The following PPM1B variants were observed in gnomAD, a reference collection of about 807,000 sequenced individuals.
The protein encoded by PPM1B is protein phosphatase, Mg2+/Mn2+ dependent 1B.
In PPM1B, 22 loss-of-function variants were observed where a neutral mutation model predicts 43.0. The observed-to-expected ratio is 0.51, with a 90% CI of 0.37 to 0.73. The LOEUF is 0.73. Ranked by LOEUF, PPM1B falls within the 30% of genes least tolerant of loss-of-function variation. PPM1B has a pLI of 0.00. For missense variants in PPM1B, 632 were observed against 584.2 expected (o/e 1.08, Z -0.84); for synonymous variants, 217 against 197.9 (o/e 1.10, Z -0.81).
At chr2:44,217,915 T>TG in intron 3 of PPM1B, 52 bp from the exon 4 acceptor site, 1 of 1,094,518 alleles carries the variant, frequency 9.1e-7, no homozygotes, top group African/African-American at 1.6e-5. Flanking sequence ...CACTTCTTGG[T>TG]GAGTACTGGC....
At chr2:44,178,595 A>T (rs1439053210) in intron 1 of PPM1B, among the ~76,000 whole-genome samples, 1 of 151,810 alleles carries the variant, frequency 6.6e-6, no homozygotes, top group Non-Finnish European at 1.5e-5. Flanking sequence ...AGCCTCCTGA[A>T]GTAGCTGGGA....
chr2:44,219,227 C>G (rs1669864172), intron 5 of PPM1B: 4 of 149,874 alleles, frequency 2.7e-5, no homozygotes, highest in Non-Finnish European at 5.9e-5. Flanking sequence ...CAAGTTAGTT[C>G]AAATAAGTAT....
At chr2:44,189,275 C>T (rs532518093) in intron 1 of PPM1B, among the ~76,000 whole-genome samples, 1 of 152,124 alleles carries the variant, frequency 6.6e-6, no homozygotes, top group South Asian at 2.1e-4. Flanking sequence ...AAAGACAGAA[C>T]ACTTCTGCTT....
At chr2:44,191,949 G>T (rs1283777855) in intron 1 of PPM1B, among the ~76,000 whole-genome samples, 2 of 151,976 alleles carry the variant, frequency 1.3e-5, no homozygotes, top group African/African-American at 4.8e-5. Context: ...GACACTTAGG[G>T]TGTTTAGTTC....
At chr2:44,185,533 G>A (rs1668078451) in intron 1 of PPM1B, among the ~76,000 whole-genome samples, 1 of 152,128 alleles carries the variant, frequency 6.6e-6, no homozygotes, top group Non-Finnish European at 1.5e-5. Context: ...GCTTGGAGAG[G>A]GGTAAGTTAC....
At chr2:44,243,691 A>G (rs952736814) in intron 5 of PPM1B, among the ~76,000 whole-genome samples, 3 of 152,002 alleles carry the variant, frequency 2.0e-5, no homozygotes, top group African/African-American at 7.2e-5. Flanking sequence ...TAAGCATTCT[A>G]TTTTATCGTT....
chr2:44,235,149 AGTTT>A (rs1446414398), downstream of PPM1B, among the ~76,000 whole-genome samples: 4 of 152,182 alleles, frequency 2.6e-5, no homozygotes, highest in African/African-American at 4.8e-5. Context: ...GACTTTTCTT[AGTTT>A]GTTATGTTAA....
chr2:44,231,356 T>G lies in PPM1B; in HGVS notation c.*638T>G. The G allele has an allele frequency of 1.0e-6, 1 of 976,896 alleles. No individual in the cohort carries two copies. Among genetic ancestry groups the G allele is most frequent in the Non-Finnish European group, 1.2e-6 (1 of 822,190 alleles). The allele number at this position is 976,896 out of a possible 1,614,324, so 60.5% of individuals were successfully genotyped here. A position where few individuals can be genotyped will look rare whatever the true frequency, so the allele number is the denominator to read the frequency against. On this transcript the variant is annotated 3_prime_UTR_variant, in exon 6 of 6. Transcript: ENST00000282412. ...AACCTATGTATTATTCATACAGCTTTGGTTTGTATATTCTGTATAGCCTAA... is the reference window on the plus strand; with the variant it reads ...AACCTATGTATTATTCATACAGCTTGGGTTTGTATATTCTGTATAGCCTAA...
At chr2:44,187,203 G>A (rs914337905) in intron 1 of PPM1B, among the ~76,000 whole-genome samples, 2 of 152,170 alleles carry the variant, frequency 1.3e-5, no homozygotes, top group African/African-American at 4.8e-5. Flanking sequence ...TTTTGTGACT[G>A]ACATGTTGTC....
chr2:44,238,721 A>C (rs539618817), downstream of PPM1B, among the ~76,000 whole-genome samples: 33 of 152,012 alleles, frequency 2.2e-4, no homozygotes, highest in Non-Finnish European at 3.4e-4. Context: ...AAAAAAAAAA[A>C]CATTTTAGGG....
At chr2:44,242,657 C>G (rs1476219596) in intron 5 of PPM1B, among the ~76,000 whole-genome samples, 1 of 152,148 alleles carries the variant, frequency 6.6e-6, no homozygotes, top group Non-Finnish European at 1.5e-5. Context: ...ATATTGTAAC[C>G]TACATTTTCT....
intron 5 of PPM1B, among the ~76,000 whole-genome samples, chr2:44,225,938 G>C (rs902204369): frequency 3.5e-4 from 53 of 150,914 alleles, no homozygotes; most frequent in African/African-American, 1.2e-3. Context: ...TTACAGGCAT[G>C]AGCCACCGTG....
intron 5 of PPM1B, 54 bp from the exon 6 acceptor site, chr2:44,230,359 C>T: frequency 1.3e-6 from 2 of 1,584,594 alleles, no homozygotes; most frequent in South Asian, 1.2e-5. Flanking sequence ...TTATGAAATA[C>T]ATGTGATATC....
At chr2:44,173,371 A>T (rs903435661) in intron 1 of PPM1B, among the ~76,000 whole-genome samples, 5 of 152,190 alleles carry the variant, frequency 3.3e-5, no homozygotes, top group African/African-American at 1.2e-4. Context: ...AATACTGTAC[A>T]ATAACTTATA....
At chr2:44,191,724 A>G (rs1466705151) in intron 1 of PPM1B, among the ~76,000 whole-genome samples, 1 of 152,158 alleles carries the variant, frequency 6.6e-6, no homozygotes, top group African/African-American at 2.4e-5. Flanking sequence ...ATAACCAACA[A>G]TTCTCCAGGA....
At chr2:44,218,563 A>G in intron 5 of PPM1B, 26 bp downstream of exon 5, 1 of 1,446,816 alleles carries the variant, frequency 6.9e-7, no homozygotes, top group Non-Finnish European at 9.5e-7. Context: ...TTTCATAAGC[A>G]TTTGAAGTAA....
intron 2 of PPM1B, among the ~76,000 whole-genome samples, chr2:44,206,699 T>A (rs1440869399): frequency 1.1e-4 from 16 of 152,106 alleles, no homozygotes; most frequent in Non-Finnish European, 2.2e-4. Flanking sequence ...TAAAATTGCT[T>A]TATAAAGTGT....
At chr2:44,205,344 TGTGGGTGTGG>T (rs1669130219) in intron 2 of PPM1B, among the ~76,000 whole-genome samples, 1 of 146,642 alleles carries the variant, frequency 6.8e-6, no homozygotes, top group South Asian at 2.2e-4. Context: ...TGGGTGTGGG[TGTGGGTGTGG>T]GTGTGTGTGT....
chr2:44,193,938 T>A (rs1668531076), intron 1 of PPM1B, among the ~76,000 whole-genome samples: 1 of 152,194 alleles, frequency 6.6e-6, no homozygotes, highest in East Asian at 1.9e-4. Context: ...GGTCTCGAGC[T>A]ACTGGCCTCA....
Sources: gnomAD v4.1 joint callset for allele counts (sites outside exome capture counted in the v4.1 genomes callset) on GRCh38, gnomAD v4.1.1 for gene constraint, MANE v1.5 for transcripts, NCBI Gene and HGNC (gene_info 2026-07-23, HGNC 2026-07-21) for gene names.